Variants in CCDC88C observed in about 807,000 individuals in gnomAD.
CCDC88C encodes the protein protein Daple.
In CCDC88C, 131 loss-of-function variants were observed where a neutral mutation model predicts 198.8. That is an observed-to-expected ratio of 0.66 (90% CI 0.57 to 0.76). The LOEUF (loss-of-function observed/expected upper bound fraction) is 0.76, where lower values mean the gene tolerates loss of function less well. Ranked by LOEUF, CCDC88C falls within the 30% of genes least tolerant of loss-of-function variation. CCDC88C has a pLI of 0.00. For missense variants in CCDC88C, 2,553 were observed against 2,631.6 expected, an observed-to-expected ratio of 0.97 and a Z score of 0.65; for synonymous variants, 1,166 against 1,114.7, an observed-to-expected ratio of 1.05 and a Z score of -0.92.
chr14:91,338,092 C>G lies in CCDC88C; in HGVS notation c.963G>C (p.Lys321Asn). ...GCTCCAGCCTCTCCACGCGGTTCGC[C>G]TTCTCCCGCAGGGAATCCAGCTCGT... ...YRDELDSLRE[K>N]ANRVERLELE... The change falls in exon 10 of 30, where the codon AAG (lysine) becomes AAC (asparagine). Residue 321 changes from lysine (K) to asparagine (N), a missense_variant. Coordinates refer to ENST00000389857, the MANE Select transcript of CCDC88C (RefSeq NM_001080414.4). This position sits in a 1 kb window ranked among gnomAD's most constrained non-coding sequence, Gnocchi z 4.8. 1 of 1,613,942 alleles carries G rather than the reference C, an allele frequency of 6.2e-7. No individual in the cohort carries two copies. Among genetic ancestry groups the G allele is most frequent in the Non-Finnish European group, 8.5e-7 (1 of 1,179,902 alleles).
At position 91,289,173 on chromosome 14, in the gene CCDC88C, G is replaced by C. The variant is rs1403291928; in HGVS notation, c.4373C>G (p.Pro1458Arg). 3 of 1,613,894 alleles carry C rather than the reference G, an allele frequency of 1.9e-6. No homozygotes were observed. The highest frequency in any genetic ancestry group is 2.2e-5 in the East Asian group (1 of 44,872). The change falls in exon 25 of 30, where the codon CCC (proline) becomes CGC (arginine). Residue 1458 changes from proline (P) to arginine (R), a missense_variant. Coordinates refer to ENST00000389857, the MANE Select transcript of CCDC88C (RefSeq NM_001080414.4). Reference sequence around the variant, plus strand: ...GTTGGAGCCCAGTGCGGGGGTGTCGGGGTTCTCGGCCTGTGATCTGAGCGG... The same window carrying C: ...GTTGGAGCCCAGTGCGGGGGTGTCGCGGTTCTCGGCCTGTGATCTGAGCGG... ...SQPLRSQAEN[P>R]DTPALGSNCA...
rs773044678 is a variant in CCDC88C, at chr14:91,289,149, T to C, written c.4397A>G (p.Asn1466Ser). 5.8e-5 allele frequency: 93 copies of C among 1,613,512 alleles called. No homozygotes were observed. The South Asian group carries it at 8.3e-4, about 14-fold the overall frequency. The change falls in exon 25 of 30, where the codon AAC (asparagine) becomes AGC (serine). Residue 1466 changes from asparagine to serine, a missense_variant. Around this residue, in one of 2 missense-constraint regions of CCDC88C, gnomAD observed 1,293 missense variants for 1,219.6 expected, o/e 1.06. Transcript: ENST00000389857. ...ENPDTPALGSNCAEERDAHNG... is the reference protein window; with the variant it reads ...ENPDTPALGSSCAEERDAHNG... Reference sequence around the variant, plus strand: ...GTGGGCGTCGCGCTCTTCTGCACAGTTGGAGCCCAGTGCGGGGGTGTCGGG... The same window carrying C: ...GTGGGCGTCGCGCTCTTCTGCACAGCTGGAGCCCAGTGCGGGGGTGTCGGG...
At chr14:91,386,305 C>CA (rs1555428170) in intron 3 of CCDC88C, among the ~76,000 whole-genome samples, 2 of 135,270 alleles carry the variant, frequency 1.5e-5, no homozygotes, top group South Asian at 2.3e-4. Context: ...AAAAAAAAAA[C>CA]AAAAACCTAG....
At chr14:91,372,432 A>G (rs890098166) in intron 3 of CCDC88C, among the ~76,000 whole-genome samples, 10 of 149,690 alleles carry the variant, frequency 6.7e-5, no homozygotes, top group Admixed American at 6.0e-4. Context: ...AGCAGAGGAG[A>G]GCGGGGAATC....
intron 4 of CCDC88C, among the ~76,000 whole-genome samples, chr14:91,350,715 G>A (rs1893746596): frequency 6.6e-6 from 1 of 151,384 alleles, no homozygotes; most frequent in Non-Finnish European, 1.5e-5. Context: ...AACCACAGAG[G>A]CCCAGGACCT....
intron 13 of CCDC88C, among the ~76,000 whole-genome samples, chr14:91,316,666 C>A (rs1449888380): frequency 6.6e-6 from 1 of 152,210 alleles, no homozygotes; most frequent in Non-Finnish European, 1.5e-5. Context: ...CTGCCTCGGT[C>A]TCCCAAAGTG....
chr14:91,402,026 G>A (rs1486865002), intron 3 of CCDC88C, among the ~76,000 whole-genome samples: 1 of 152,170 alleles, frequency 6.6e-6, no homozygotes, highest in Non-Finnish European at 1.5e-5. Flanking sequence ...TGTAATCCCA[G>A]CACTTTGAGA....
intron 3 of CCDC88C, among the ~76,000 whole-genome samples, chr14:91,372,538 C>G (rs867971860): frequency 0.065 from 917 of 14,032 alleles, 1 homozygote; most frequent in African/African-American, 0.11. Context: ...CGGGGGGGGG[C>G]GGGCGGGGGG....
intron 10 of CCDC88C, among the ~76,000 whole-genome samples, chr14:91,326,691 T>A (rs1892600093): frequency 6.6e-6 from 1 of 152,002 alleles, no homozygotes; most frequent in African/African-American, 2.4e-5. Flanking sequence ...GGGTTGAGAG[T>A]CAATCCTGGG....
intron 10 of CCDC88C, 53 bp downstream of exon 10, chr14:91,337,952 T>C: frequency 6.3e-7 from 1 of 1,597,592 alleles, no homozygotes; most frequent in African/African-American, 1.3e-5. Context: ...TGAATGTGCT[T>C]CTCAGGAATT....
chr14:91,317,166 AGAG>A (rs1414253538), intron 13 of CCDC88C, among the ~76,000 whole-genome samples: 1 of 152,230 alleles, frequency 6.6e-6, no homozygotes, highest in Non-Finnish European at 1.5e-5. Context: ...CTACAGACAC[AGAG>A]GAGGGAGGGG....
Position 91,273,165 on chromosome 14 carries a change from T to C in CCDC88C, c.5547A>G (p.Ala1849=). 6.3e-7 allele frequency: 1 copy of C among 1,578,676 alleles called. No individual in the cohort carries two copies. The highest frequency in any genetic ancestry group is 8.6e-7 in the Non-Finnish European group (1 of 1,162,758). The change falls in exon 30 of 30, where the codon GCA becomes GCG. Residue 1849 remains alanine, a synonymous_variant. Coordinates refer to ENST00000389857, the MANE Select transcript of CCDC88C (RefSeq NM_001080414.4). This position sits in a 1 kb window ranked among gnomAD's most constrained non-coding sequence, Gnocchi z 5.6. ...GGGCCAGGCTATGGGAGCTGGGGGG[T>C]GCGGGGCTTTGCAGGGTGTGGCTGC... ...ETGSHTLQSP[A]PPSSHSLARE... is the part of the protein sequence containing the mutation.
At chr14:91,285,946 A>C (rs2139734093) in intron 25 of CCDC88C, 1 of 560,778 alleles carries the variant, frequency 1.8e-6, no homozygotes, top group South Asian at 1.9e-5. Context: ...TGTACTTAAG[A>C]AATCAGAATC....
rs1387549346 is a variant in CCDC88C at position 91,344,954 on chromosome 14, C to T, written c.341-1297G>A. The stretch of plus-strand genomic sequence containing the variant: ...TAGACTACAGGTGCGCATCACCACA[C>T]CTGGCTAACTTTTGTATTTTTTGTA... On this transcript the variant is annotated intron_variant, in intron 4 of 29. Transcript: ENST00000389857. 2.0e-5 allele frequency among the ~76,000 whole-genome samples: 3 copies of T among 151,358 alleles called. No homozygotes were observed. In the East Asian group the frequency reaches 5.8e-4, roughly 29 times the overall value.
At chr14:91,375,254 CGT>C (rs1160214361) in intron 3 of CCDC88C, among the ~76,000 whole-genome samples, 9 of 152,130 alleles carry the variant, frequency 5.9e-5, no homozygotes, top group African/African-American at 1.7e-4. Context: ...AGCATGCGCG[CGT>C]GTCTGTGTGT....
At chr14:91,401,284 A>G (rs933104830) in intron 3 of CCDC88C, among the ~76,000 whole-genome samples, 2 of 143,244 alleles carry the variant, frequency 1.4e-5, no homozygotes, top group Admixed American at 7.4e-5. Flanking sequence ...ATTATATATT[A>G]TATACATTAT....
At position 91,339,811 on chromosome 14, in the gene CCDC88C, A is replaced by G. The variant is rs1418144630; in HGVS notation, c.624+73T>C. ...AGCAGGACCGAGGCGTCTAGGCTGA[A>G]GATGAAGGGAGAGGAGATGAAGGGG... On this transcript the variant is annotated intron_variant, in intron 7 of 29. Transcript: ENST00000389857. The surrounding 1 kb of genome is among the most constrained non-coding windows in gnomAD (Gnocchi z 5.8). 14 of 1,459,484 alleles carry G rather than the reference A, an allele frequency of 9.6e-6. No homozygotes were observed. The East Asian group carries it at 3.2e-4, about 34-fold the overall frequency. The allele number at this position is 1,459,484 out of a possible 1,614,324, so 90.4% of individuals were successfully genotyped here. A position where few individuals can be genotyped will look rare whatever the true frequency, so the allele number is the denominator to read the frequency against.
intron 3 of CCDC88C, among the ~76,000 whole-genome samples, chr14:91,401,332 T>TTTTA (rs1555429999): frequency 1.5e-5 from 2 of 136,678 alleles, no homozygotes; most frequent in African/African-American, 5.4e-5. Context: ...ATTACATATA[T>TTTTA]TATATATATA....
At chr14:91,357,713 G>C (rs1394318120) in intron 4 of CCDC88C, among the ~76,000 whole-genome samples, 2 of 152,246 alleles carry the variant, frequency 1.3e-5, no homozygotes, top group African/African-American at 4.8e-5. Flanking sequence ...GCAGAGTTCT[G>C]CTCAGCAAAA....
Sources: gnomAD v4.1 joint callset for allele counts (sites outside exome capture counted in the v4.1 genomes callset) on GRCh38, gnomAD v4.1.1 for gene constraint, gnomAD v4.1.1 regional missense constraint, Gnocchi (gnomAD v3.1) non-coding constraint, MANE v1.5 for transcripts, NCBI Gene and HGNC (gene_info 2026-07-23, HGNC 2026-07-21) for gene names.